Variants in FSIP1 observed in about 807,000 individuals in gnomAD.
The protein encoded by FSIP1 is fibrous sheath interacting protein 1.
FSIP1 carries 65 observed loss-of-function variants against 60.9 expected under a neutral mutation model. The observed-to-expected ratio is 1.07, with a 90% CI of 0.87 to 1.31. FSIP1 has a LOEUF of 1.31. FSIP1 is among the 40% of genes most tolerant of loss of function. The pLI is 0.00. For missense variants in FSIP1, 675 were observed against 665.5 expected, an observed-to-expected ratio of 1.01 and a Z score of -0.16; for synonymous variants, 209 against 221.2, an observed-to-expected ratio of 0.94 and a Z score of 0.49.
Position 39,666,668 on chromosome 15 carries a change from A to G in FSIP1, c.1188+46776T>C, listed in dbSNP as rs139041807. 1.6e-4 allele frequency among the ~76,000 whole-genome samples: 24 copies of G among 152,304 alleles called. No homozygotes were observed. In the East Asian group the frequency reaches 4.4e-3, roughly 28 times the overall value. On this transcript the variant is annotated intron_variant, in intron 10 of 11. Transcript: ENST00000350221. ...AGTCCCTCATTTTCAGCTGCTCCAC[A>G]TCTAAGTGTTCTCGTGTTTTCTTAG...
chr15:39,659,942 C>T (rs1427274586), intron 10 of FSIP1, among the ~76,000 whole-genome samples: 5 of 152,108 alleles, frequency 3.3e-5, no homozygotes, highest in Admixed American at 3.3e-4. Flanking sequence ...AGGATCATTT[C>T]AAAATATGAA....
At position 39,735,432 on chromosome 15, in the gene FSIP1, T is replaced by C. The variant is rs558567540; in HGVS notation, c.891+2659A>G. ...TAAACATATTACAACATAGAAAAGG[T>C]ACAATAAAATATGGTATAAAAATCT... is the stretch of plus-strand genomic sequence containing the variant. On this transcript the variant is annotated intron_variant, in intron 8 of 11. Coordinates refer to ENST00000350221, the MANE Select transcript of FSIP1 (RefSeq NM_152597.5). Among the ~76,000 whole-genome samples the C allele has an allele frequency of 2.6e-5, 4 of 152,266 alleles. No homozygotes were observed. The South Asian group carries it at 6.2e-4, about 24-fold the overall frequency.
chr15:39,633,428 A>G (rs540031674), intron 10 of FSIP1, among the ~76,000 whole-genome samples: 2 of 152,196 alleles, frequency 1.3e-5, no homozygotes, highest in South Asian at 2.1e-4. Flanking sequence ...AATTAACTTA[A>G]TCTAGTTTTT....
chr15:39,599,470 CTG>C (rs1223785286), downstream of FSIP1: 3 of 152,142 alleles, frequency 2.0e-5, no homozygotes, highest in African/African-American at 7.2e-5. Flanking sequence ...TAATTTTACT[CTG>C]TGTTTCTTTC....
intron 11 of FSIP1, among the ~76,000 whole-genome samples, chr15:39,601,859 GAA>G (rs1363566751): frequency 6.6e-6 from 1 of 151,868 alleles, no homozygotes; most frequent in Admixed American, 6.5e-5. Context: ...CACAGAGACA[GAA>G]AGACTGGTGA....
At chr15:39,666,805 G>A (rs1893512650) in intron 10 of FSIP1, among the ~76,000 whole-genome samples, 1 of 152,160 alleles carries the variant, frequency 6.6e-6, no homozygotes, top group African/African-American at 2.4e-5. Context: ...TTCACAGCAG[G>A]ATGCAGATTC....
chr15:39,677,597 CAT>C (rs1177156758), intron 10 of FSIP1, among the ~76,000 whole-genome samples: 1 of 152,152 alleles, frequency 6.6e-6, no homozygotes, highest in African/African-American at 2.4e-5. Context: ...CACAAAGACA[CAT>C]ATACAGGATG....
chr15:39,654,394 T>C (rs1016450945), intron 10 of FSIP1, among the ~76,000 whole-genome samples: 1 of 152,240 alleles, frequency 6.6e-6, no homozygotes, highest in Non-Finnish European at 1.5e-5. Flanking sequence ...CACTAGGTGA[T>C]AGAAACTTTT....
intron 1 of FSIP1, among the ~76,000 whole-genome samples, chr15:39,778,070 T>C (rs574477834): frequency 9.8e-5 from 15 of 152,316 alleles, no homozygotes; most frequent in African/African-American, 3.6e-4. Context: ...GAAAAAAGCA[T>C]TGATCTCAAC....
At chr15:39,775,692 G>A (rs1304427588) in intron 2 of FSIP1, among the ~76,000 whole-genome samples, 1 of 152,132 alleles carries the variant, frequency 6.6e-6, no homozygotes, top group Admixed American at 6.5e-5. Context: ...TTGAAAGTGT[G>A]TAGCACCTCC....
At chr15:39,609,248 C>T (rs895832983) in intron 11 of FSIP1, among the ~76,000 whole-genome samples, 2 of 152,234 alleles carry the variant, frequency 1.3e-5, no homozygotes, top group East Asian at 3.8e-4. Flanking sequence ...ACAGCATTAG[C>T]ACTGTCCTGC....
At chr15:39,770,834 T>A (rs1227798350) in intron 2 of FSIP1, among the ~76,000 whole-genome samples, 6 of 152,178 alleles carry the variant, frequency 3.9e-5, no homozygotes, top group Non-Finnish European at 8.8e-5. Flanking sequence ...TCCCTAGCAA[T>A]AATGGAGAAG....
chr15:39,688,485 A>G (rs1466934282), intron 10 of FSIP1, among the ~76,000 whole-genome samples: 1 of 152,218 alleles, frequency 6.6e-6, no homozygotes, highest in Non-Finnish European at 1.5e-5. Flanking sequence ...GAATGTTGGT[A>G]TAGGTATTCG....
intron 10 of FSIP1, among the ~76,000 whole-genome samples, chr15:39,662,389 G>C (rs1474980779): frequency 6.6e-6 from 1 of 152,086 alleles, no homozygotes; most frequent in Non-Finnish European, 1.5e-5. Flanking sequence ...ACCCAGAAGA[G>C]TTCTTTAGAA....
At chr15:39,659,570 C>A (rs1893210608) in intron 10 of FSIP1, among the ~76,000 whole-genome samples, 1 of 135,928 alleles carries the variant, frequency 7.4e-6, no homozygotes, top group South Asian at 2.4e-4. Flanking sequence ...GAATTGCACA[C>A]TTTTTAAAAA....
intron 9 of FSIP1, among the ~76,000 whole-genome samples, chr15:39,716,291 A>G (rs941652662): frequency 7.9e-5 from 12 of 152,236 alleles, no homozygotes; most frequent in African/African-American, 2.9e-4. Context: ...TTAATAATCT[A>G]CAACTATGAT....
chr15:39,780,254 T>G (rs938456206), intron 1 of FSIP1, among the ~76,000 whole-genome samples: 1 of 152,220 alleles, frequency 6.6e-6, no homozygotes, highest in Non-Finnish European at 1.5e-5. Context: ...CCAGGCGCGG[T>G]GGCTCACGCC....
At chr15:39,598,097 G>A (rs534121841), downstream of FSIP1, 1 of 152,330 alleles carries the variant, frequency 6.6e-6, no homozygotes, top group South Asian at 2.1e-4. Context: ...AAAGGCCCAA[G>A]TGTACCAATA....
rs557536420 is a variant in FSIP1, at chr15:39,754,569, T to C, written c.559+9252A>G. On this transcript the variant is annotated intron_variant, in intron 5 of 11. Coordinates refer to ENST00000350221, the MANE Select transcript of FSIP1 (RefSeq NM_152597.5). ...AAAAAAAAAACAGGTCAGATACAGATAGGGCAGAACAAATACTCATTTGGG... is the reference window on the plus strand; with the variant it reads ...AAAAAAAAAACAGGTCAGATACAGACAGGGCAGAACAAATACTCATTTGGG... Among the ~76,000 whole-genome samples the C allele has an allele frequency of 2.7e-5, 4 of 150,330 alleles. No homozygotes were observed. In the East Asian group the frequency reaches 5.8e-4, roughly 22 times the overall value.
Sources: allele counts gnomAD v4.1 joint callset (sites outside exome capture counted in the v4.1 genomes callset), GRCh38; gene constraint gnomAD v4.1.1; transcripts MANE v1.5; gene names NCBI Gene and HGNC (gene_info 2026-07-23, HGNC 2026-07-21).